Variants in CEP128 observed in about 807,000 individuals in gnomAD.
CEP128 encodes the protein centrosomal protein 128.
In CEP128, 132 loss-of-function variants were observed where a neutral mutation model predicts 156.7. The observed-to-expected ratio is 0.84, with a 90% confidence interval of 0.73 to 0.97. CEP128 has a LOEUF of 0.97. CEP128 is among the 50% of genes least tolerant of loss of function. The pLI is 0.00. For missense variants in CEP128, 1,252 were observed against 1,281.9 expected (o/e 0.98, Z 0.36); for synonymous variants, 469 against 448.9 (o/e 1.04, Z -0.57).
rs557990520 is a variant in CEP128, at chr14:80,504,701, G to C, written c.3181+211C>G. Among the ~76,000 whole-genome samples the C allele has an allele frequency of 2.0e-5, 3 of 152,308 alleles. No homozygotes were observed. In the South Asian group the frequency reaches 6.2e-4, roughly 32 times the overall value. ...CTTGGGTGGTTATTTAAGTTATTCT[G>C]AGAAGCGTAAAGTCTAAAAAGGAGG... On this transcript the variant is annotated intron_variant, in intron 24 of 24. Coordinates refer to ENST00000555265, the MANE Select transcript of CEP128 (RefSeq NM_152446.5).
chr14:80,487,100 A>G (rs886519993), downstream of CEP128, among the ~76,000 whole-genome samples: 10 of 152,114 alleles, frequency 6.6e-5, no homozygotes, highest in Admixed American at 2.0e-4. Context: ...AAAGAGTCAA[A>G]ACCCATCAGT....
At chr14:80,492,798 AT>A (rs950370814), downstream of CEP128, among the ~76,000 whole-genome samples, 7 of 152,114 alleles carry the variant, frequency 4.6e-5, no homozygotes, top group African/African-American at 1.7e-4. Flanking sequence ...TAAAGTTGGC[AT>A]TTTTTTAAGC....
chr14:80,565,128 A>T lies in CEP128; in HGVS notation c.2857-5826T>A, dbSNP rs140012711. On this transcript the variant is annotated intron_variant, in intron 20 of 24. Coordinates refer to ENST00000555265, the MANE Select transcript of CEP128 (RefSeq NM_152446.5). Reference sequence around the variant, plus strand: ...GCAGCCTCTGGCTTCCAGAGTCTGAACCTCCCCAAATTGCTCCTGGTGATA... The same window carrying T: ...GCAGCCTCTGGCTTCCAGAGTCTGATCCTCCCCAAATTGCTCCTGGTGATA... 1.2e-3 allele frequency among the ~76,000 whole-genome samples: 190 copies of T among 152,164 alleles called. 4 individuals carry two copies. In the Middle Eastern group the frequency reaches 0.027, roughly 22 times the overall value.
At chr14:80,907,024 C>T (rs1363550039) in intron 4 of CEP128, among the ~76,000 whole-genome samples, 1 of 152,090 alleles carries the variant, frequency 6.6e-6, no homozygotes, top group Non-Finnish European at 1.5e-5. Flanking sequence ...CTAAATTCAG[C>T]CAGCGTTAAA....
At chr14:80,947,383 G>GA (rs1486299449) in intron 2 of CEP128, among the ~76,000 whole-genome samples, 1 of 152,106 alleles carries the variant, frequency 6.6e-6, no homozygotes, top group East Asian at 1.9e-4. Context: ...AAAAGAAGAA[G>GA]AAAATGAAGC....
In CEP128 at chr14:80,647,011, ATGTGTG is replaced by A. The variant is rs1224785096; in HGVS notation, c.2807-66594_2807-66589del. Reference sequence around the variant, plus strand: ...TTATAAGAAATATATATATATATATATGTGTGTGTATATATATGTGTGCATGTATAT... The same window carrying A: ...TTATAAGAAATATATATATATATATATGTATATATATGTGTGCATGTATAT... On this transcript the variant is annotated intron_variant, in intron 19 of 24. Coordinates refer to ENST00000555265, the MANE Select transcript of CEP128 (RefSeq NM_152446.5). 5.2e-4 allele frequency among the ~76,000 whole-genome samples: 38 copies of A among 72,474 alleles called. 1 individual carries two copies. The highest frequency in any genetic ancestry group is 1.2e-3 in the East Asian group (3 of 2,604). 47.5% of individuals were successfully genotyped at this position (72,474 alleles called of 152,430 possible).
chr14:80,572,803 C>T (rs966094913), intron 20 of CEP128, among the ~76,000 whole-genome samples: 6 of 152,328 alleles, frequency 3.9e-5, no homozygotes, highest in Middle Eastern at 3.4e-3. Flanking sequence ...GGTATGTTTT[C>T]TGGAAGCGTT....
intron 2 of CEP128, among the ~76,000 whole-genome samples, chr14:80,933,572 G>A (rs1380236608): frequency 6.6e-6 from 1 of 152,154 alleles, no homozygotes; most frequent in Non-Finnish European, 1.5e-5. Context: ...TTGACCTGTG[G>A]TAAGCTAAAT....
intron 19 of CEP128, among the ~76,000 whole-genome samples, chr14:80,616,612 G>A (rs761963881): frequency 2.0e-5 from 3 of 152,112 alleles, no homozygotes; most frequent in Non-Finnish European, 1.5e-5. Flanking sequence ...TTCTTAAGAC[G>A]CAAATAGCAG....
chr14:80,667,368 A>G (rs1452676941), intron 19 of CEP128, among the ~76,000 whole-genome samples: 2 of 152,342 alleles, frequency 1.3e-5, no homozygotes, highest in Admixed American at 6.5e-5. Flanking sequence ...AAAGAAAGCC[A>G]GAGTCAACTA....
chr14:80,908,359 C>T (rs1595575289), intron 4 of CEP128, among the ~76,000 whole-genome samples: 1 of 149,536 alleles, frequency 6.7e-6, no homozygotes, highest in South Asian at 2.1e-4. Flanking sequence ...CTTCTTTTCT[C>T]TTCTATATTT....
exon 15 of CEP128, chr14:80,477,451 A>T (rs1358455365): frequency 2.0e-5 from 3 of 152,212 alleles, no homozygotes; most frequent in Non-Finnish European, 4.4e-5. Context: ...AGAATGATTC[A>T]GAGAAACCAT....
chr14:80,649,959 A>C (rs1894827614), intron 19 of CEP128, among the ~76,000 whole-genome samples: 1 of 152,150 alleles, frequency 6.6e-6, no homozygotes, highest in South Asian at 2.1e-4. Flanking sequence ...GAAGAGAGTC[A>C]ATGGTAGCTG....
In CEP128 at chr14:80,785,396, A is replaced by T; in HGVS notation, c.1710T>A (p.Ile570=). Residue 570 remains isoleucine (I), a synonymous_variant, in exon 15 of 25, where the codon ATT becomes ATA. Transcript: ENST00000555265. The part of the protein sequence containing the change: ...LHSKEEKLRD[I]KSHQADLELE... ...ATTCAAGGTCAGCTTGATGAGACTT[A>T]ATATCACGTAATTTCTCCTCCTTGG... The T allele has an allele frequency of 6.2e-7, 1 of 1,614,130 alleles. No individual in the cohort carries two copies.
intron 12 of CEP128, among the ~76,000 whole-genome samples, chr14:80,835,881 A>G (rs938504679): frequency 1.3e-5 from 2 of 152,218 alleles, no homozygotes; most frequent in African/African-American, 4.8e-5. Flanking sequence ...AAAGACTGGT[A>G]CACACTTACA....
chr14:80,821,812 T>G (rs1885203090), intron 13 of CEP128, among the ~76,000 whole-genome samples: 1 of 151,808 alleles, frequency 6.6e-6, no homozygotes, highest in Non-Finnish European at 1.5e-5. Context: ...TAATACTCCA[T>G]TCTCCCACTG....
At chr14:80,584,707 CT>C (rs1891741889) in intron 19 of CEP128, among the ~76,000 whole-genome samples, 1 of 152,188 alleles carries the variant, frequency 6.6e-6, no homozygotes, top group South Asian at 2.1e-4. Context: ...GGTGAGACCC[CT>C]AGATAGTTAA....
chr14:80,506,522 T>C (rs928651132), intron 23 of CEP128, among the ~76,000 whole-genome samples: 1 of 151,240 alleles, frequency 6.6e-6, no homozygotes, highest in African/African-American at 2.4e-5. Context: ...AACAGCAGGG[T>C]TCTAGGGAGA....
intron 6 of CEP128, among the ~76,000 whole-genome samples, chr14:80,903,178 A>G (rs1468466661): frequency 6.6e-6 from 1 of 152,138 alleles, no homozygotes. Flanking sequence ...CTACGAACAG[A>G]GGAGAAAACC....
Sources: gnomAD v4.1 joint callset for allele counts (sites outside exome capture counted in the v4.1 genomes callset) on GRCh38, gnomAD v4.1.1 for gene constraint, MANE v1.5 for transcripts, NCBI Gene and HGNC (gene_info 2026-07-23, HGNC 2026-07-21) for gene names.